Variants in GALNT13 observed in about 807,000 individuals in gnomAD.
GALNT13 encodes the protein polypeptide N-acetylgalactosaminyltransferase 13.
GALNT13 carries 28 observed loss-of-function variants against 64.2 expected under a neutral mutation model. The observed-to-expected ratio is 0.44, with a 90% CI of 0.32 to 0.60. The LOEUF (loss-of-function observed/expected upper bound fraction) is 0.60. GALNT13 is among the 20% of genes least tolerant of loss of function. The pLI is 0.05. For missense variants in GALNT13, 577 were observed against 669.8 expected (o/e 0.86, Z 1.53); for synonymous variants, 214 against 224.6 (o/e 0.95, Z 0.42).
the GALNT13 span, among the ~76,000 whole-genome samples, chr2:153,367,959 A>G: frequency 6.6e-6 from 1 of 152,146 alleles, no homozygotes; most frequent in Admixed American, 6.6e-5. Context: ...TTGCAACCAT[A>G]TAAATAGTAA....
chr2:153,133,314 C>T, the GALNT13 span, among the ~76,000 whole-genome samples: 1 of 151,952 alleles, frequency 6.6e-6, no homozygotes, highest in Non-Finnish European at 1.5e-5. Context: ...AAAGGGATCC[C>T]CAGAGAACCT....
chr2:153,251,757 G>T, the GALNT13 span, among the ~76,000 whole-genome samples: 1 of 151,632 alleles, frequency 6.6e-6, no homozygotes, highest in Non-Finnish European at 1.5e-5. Flanking sequence ...TACTGAGAGT[G>T]ATGATTTCCA....
chr2:153,469,263 G>C, the GALNT13 span, among the ~76,000 whole-genome samples: 1 of 152,080 alleles, frequency 6.6e-6, no homozygotes, highest in Admixed American at 6.6e-5. Context: ...AGGTCTCACA[G>C]CTGGAAATTT....
At chr2:153,733,839 C>G in the GALNT13 span, among the ~76,000 whole-genome samples, 2 of 152,172 alleles carry the variant, frequency 1.3e-5, no homozygotes, top group Non-Finnish European at 2.9e-5. Flanking sequence ...AGTATGAACT[C>G]ACAGCCTTTA....
intron 11 of GALNT13, among the ~76,000 whole-genome samples, chr2:154,414,216 T>C (rs1401550811): frequency 6.6e-6 from 1 of 152,074 alleles, no homozygotes; most frequent in Non-Finnish European, 1.5e-5. Flanking sequence ...TCTTTTTTCT[T>C]AAGATTTCAG....
the GALNT13 span, among the ~76,000 whole-genome samples, chr2:153,756,310 G>A: frequency 1.3e-5 from 2 of 152,044 alleles, no homozygotes; most frequent in African/African-American, 4.8e-5. Context: ...ATGCTTTGGT[G>A]ACAAAGAAAA....
the GALNT13 span, among the ~76,000 whole-genome samples, chr2:153,457,332 C>T: frequency 6.6e-6 from 1 of 152,186 alleles, no homozygotes; most frequent in East Asian, 1.9e-4. Flanking sequence ...GCCTACCTGC[C>T]AGACTAGTAC....
chr2:153,707,035 A>T, the GALNT13 span, among the ~76,000 whole-genome samples: 1 of 152,130 alleles, frequency 6.6e-6, no homozygotes, highest in African/African-American at 2.4e-5. Context: ...ATGGTTTTAG[A>T]AAGAGGAGTT....
the GALNT13 span, among the ~76,000 whole-genome samples, chr2:153,214,861 T>C: frequency 6.6e-6 from 1 of 152,112 alleles, no homozygotes; most frequent in Non-Finnish European, 1.5e-5. Context: ...GATGTTCTAT[T>C]GGAGAAATCT....
At chr2:153,652,963 G>A in the GALNT13 span, among the ~76,000 whole-genome samples, 15 of 151,950 alleles carry the variant, frequency 9.9e-5, no homozygotes, top group African/African-American at 3.6e-4. Context: ...GGTAGTATAA[G>A]ATATATATAC....
chr2:153,373,494 T>A, the GALNT13 span, among the ~76,000 whole-genome samples: 1 of 152,272 alleles, frequency 6.6e-6, no homozygotes, highest in African/African-American at 2.4e-5. Context: ...GACCTGAGGA[T>A]CCCTATATAC....
the GALNT13 span, among the ~76,000 whole-genome samples, chr2:153,148,832 A>G: frequency 6.6e-6 from 1 of 151,910 alleles, no homozygotes; most frequent in Admixed American, 6.6e-5. Context: ...ATAATATAAA[A>G]GCAAACATCA....
the GALNT13 span, among the ~76,000 whole-genome samples, chr2:153,591,360 T>A: frequency 1.3e-5 from 2 of 152,168 alleles, no homozygotes; most frequent in Admixed American, 1.3e-4. Context: ...TTAATATCAT[T>A]AAAATGACCA....
the GALNT13 span, among the ~76,000 whole-genome samples, chr2:153,265,484 A>T: frequency 6.6e-6 from 1 of 152,196 alleles, no homozygotes; most frequent in Admixed American, 6.5e-5. Context: ...TTCCACAACC[A>T]CTGCATTCTC....
intron 11 of GALNT13, among the ~76,000 whole-genome samples, chr2:154,426,288 C>T (rs897666291): frequency 1.3e-5 from 2 of 152,186 alleles, no homozygotes; most frequent in Non-Finnish European, 2.9e-5. Context: ...TAGCTCTCTC[C>T]AAATCATGGC....
the GALNT13 span, among the ~76,000 whole-genome samples, chr2:153,348,698 A>G: frequency 1.3e-5 from 2 of 152,234 alleles, no homozygotes; most frequent in Admixed American, 6.5e-5. Flanking sequence ...GTGTGTTTTG[A>G]GATTTTTAAA....
chr2:153,754,133 A>G, the GALNT13 span, among the ~76,000 whole-genome samples: 3 of 152,078 alleles, frequency 2.0e-5, no homozygotes, highest in Non-Finnish European at 4.4e-5. Context: ...CAGATTCAGA[A>G]ATGCCATTCA....
chr2:153,073,036 G>A, the GALNT13 span, among the ~76,000 whole-genome samples: 5 of 152,096 alleles, frequency 3.3e-5, no homozygotes, highest in African/African-American at 1.2e-4. Flanking sequence ...TTCGAGGCAC[G>A]ATGCTAAGTG....
the GALNT13 span, among the ~76,000 whole-genome samples, chr2:153,610,963 A>ACCTTT: frequency 2.6e-5 from 4 of 152,204 alleles, no homozygotes. Context: ...AAATAAAGGT[A>ACCTTT]AAATTATAGG....
Sources: allele counts gnomAD v4.1 joint callset (sites outside exome capture counted in the v4.1 genomes callset), GRCh38; gene constraint gnomAD v4.1.1; transcripts MANE v1.5; gene names NCBI Gene and HGNC (gene_info 2026-07-23, HGNC 2026-07-21).